RIC1: variants seen among roughly 807,000 people sequenced by gnomAD.
The protein encoded by RIC1 is guanine nucleotide exchange factor subunit RIC1.
A neutral mutation model predicts 169.0 loss-of-function variants in RIC1; 88 were observed. That is an observed-to-expected ratio of 0.52 (90% CI 0.44 to 0.62). The LOEUF is 0.62. Ranked by LOEUF, RIC1 falls within the 20% of genes least tolerant of loss-of-function variation. The pLI is 0.00. For missense variants in RIC1, 1,877 were observed against 1,725.5 expected, an observed-to-expected ratio of 1.09 and a Z score of -1.56; for synonymous variants, 790 against 601.5, an observed-to-expected ratio of 1.31 and a Z score of -4.59.
chr9:5,731,223 G>C (rs1824353493), intron 6 of RIC1, among the ~76,000 whole-genome samples: 2 of 152,020 alleles, frequency 1.3e-5, no homozygotes, highest in African/African-American at 2.4e-5. Context: ...TCAGCACCTA[G>C]AGCAGTGCCT....
At chr9:5,707,663 TTTTGTTTG>T (rs542567575) in intron 3 of RIC1, among the ~76,000 whole-genome samples, 2 of 152,062 alleles carry the variant, frequency 1.3e-5, no homozygotes, top group Non-Finnish European at 2.9e-5. Flanking sequence ...TCTTTTGTTT[TTTTGTTTG>T]TTTGTTTGTT....
At chr9:5,748,561 C>G (rs1328302598) in intron 12 of RIC1, 1 of 152,596 alleles carries the variant, frequency 6.6e-6, no homozygotes, top group African/African-American at 2.4e-5. Context: ...CTAAAATTTT[C>G]CACTGCTCCC....
chr9:5,685,986 G>A (rs201666328), intron 2 of RIC1, among the ~76,000 whole-genome samples: 1 of 151,952 alleles, frequency 6.6e-6, no homozygotes, highest in Non-Finnish European at 1.5e-5. Flanking sequence ...AGACACTTCT[G>A]AAAAGAAGAC....
rs1243914784 is a variant in RIC1, at chr9:5,774,476, A to G, written c.*230A>G. On this transcript the variant is annotated 3_prime_UTR_variant, in exon 26 of 26. Coordinates refer to ENST00000414202, the MANE Select transcript of RIC1 (RefSeq NM_020829.4). ...TTTTAAGCTGCAGTGAAAAGTAAATATTGTACAGATGTACATGAGAATATT... is the reference window on the plus strand; with the variant it reads ...TTTTAAGCTGCAGTGAAAAGTAAATGTTGTACAGATGTACATGAGAATATT... The G allele has an allele frequency of 2.5e-6, 1 of 404,890 alleles. No individual in the cohort carries two copies. The highest frequency in any genetic ancestry group is 7.0e-5 in the South Asian group (1 of 14,220). 25.1% of individuals were successfully genotyped at this position (404,890 alleles called of 1,614,324 possible).
chr9:5,762,486 C>G, intron 17 of RIC1, 55 bp from the exon 18 acceptor site: 1 of 1,598,202 alleles, frequency 6.3e-7, no homozygotes, highest in Non-Finnish European at 8.5e-7. Flanking sequence ...GGGGGAGATG[C>G]GGAAAGCATA....
chr9:5,760,487 C>T (rs936380704), intron 17 of RIC1, among the ~76,000 whole-genome samples: 1 of 152,170 alleles, frequency 6.6e-6, no homozygotes, highest in African/African-American at 2.4e-5. Flanking sequence ...TCATTATAAA[C>T]ATTACTCATA....
chr9:5,715,570 T>C (rs1230252151), intron 4 of RIC1, among the ~76,000 whole-genome samples: 2 of 152,168 alleles, frequency 1.3e-5, no homozygotes, highest in African/African-American at 2.4e-5. Flanking sequence ...GAAACTTAGA[T>C]TTTTATAACC....
intron 6 of RIC1, among the ~76,000 whole-genome samples, chr9:5,727,182 C>T (rs55727507): frequency 0.19 from 28,709 of 152,210 alleles, 3,358 homozygotes; most frequent in East Asian, 0.42. Flanking sequence ...CCGTCACTTT[C>T]AGGTACAGCA....
At chr9:5,709,237 C>G (rs1401854081) in intron 3 of RIC1, among the ~76,000 whole-genome samples, 1 of 152,188 alleles carries the variant, frequency 6.6e-6, no homozygotes, top group Non-Finnish European at 1.5e-5. Context: ...GTTCTGCCGT[C>G]TGTCCAGATA....
chr9:5,656,334 A>G (rs2130449020), intron 1 of RIC1, among the ~76,000 whole-genome samples: 1 of 152,242 alleles, frequency 6.6e-6, no homozygotes, highest in Non-Finnish European at 1.5e-5. Flanking sequence ...GAACACATTT[A>G]GTCCTGGTTC....
At chr9:5,673,545 T>G (rs1342611258) in intron 2 of RIC1, among the ~76,000 whole-genome samples, 1 of 144,034 alleles carries the variant, frequency 6.9e-6, no homozygotes, top group Non-Finnish European at 1.5e-5. Context: ...GATATATATA[T>G]ATATATATAT....
In RIC1 at chr9:5,664,257, A is replaced by G. The variant is rs112161585; in HGVS notation, c.252+7567A>G. Among the ~76,000 whole-genome samples the G allele has an allele frequency of 6.0e-3, 909 of 152,176 alleles. 11 individuals are homozygous for G. The highest frequency in any genetic ancestry group is 0.02 in the African/African-American group (840 of 41,526). ...AAACCCCATCTCTACTAAAAATACAAAAATAATTAGCTGAGTGTCGTGGCG... is the reference window on the plus strand; with the variant it reads ...AAACCCCATCTCTACTAAAAATACAGAAATAATTAGCTGAGTGTCGTGGCG... On this transcript the variant is annotated intron_variant, in intron 2 of 25. Transcript: ENST00000414202.
At chr9:5,694,023 C>G (rs917739231) in intron 3 of RIC1, among the ~76,000 whole-genome samples, 7 of 152,220 alleles carry the variant, frequency 4.6e-5, no homozygotes, top group African/African-American at 1.7e-4. Context: ...ATCAAATCTC[C>G]TTCTCCTCTT....
chr9:5,699,629 C>G (rs1379548670), intron 3 of RIC1, among the ~76,000 whole-genome samples: 1 of 151,832 alleles, frequency 6.6e-6, no homozygotes, highest in Non-Finnish European at 1.5e-5. Flanking sequence ...TAGATTTGTT[C>G]TGTTTCATAA....
At chr9:5,743,634 G>A (rs1341853385) in intron 9 of RIC1, 55 bp from the exon 10 acceptor site, 3 of 1,315,764 alleles carry the variant, frequency 2.3e-6, no homozygotes, top group African/African-American at 3.0e-5. Flanking sequence ...TAAATTTTAT[G>A]TGTATTATAT....
chr9:5,681,056 G>A (rs1241349944), intron 2 of RIC1, among the ~76,000 whole-genome samples: 2 of 151,400 alleles, frequency 1.3e-5, no homozygotes, highest in African/African-American at 2.4e-5. Context: ...TCGATCTCCT[G>A]ACCTCGTGAT....
chr9:5,689,767 T>C (rs34046693), intron 2 of RIC1, among the ~76,000 whole-genome samples, 192 bp from the exon 3 acceptor site: 4,393 of 152,326 alleles, frequency 0.029, 65 homozygotes, highest in Non-Finnish European at 0.036. Flanking sequence ...TTTTGAAATC[T>C]GTAAAAACCC....
intron 7 of RIC1, among the ~76,000 whole-genome samples, chr9:5,733,071 T>A (rs920563119): frequency 6.6e-6 from 1 of 152,086 alleles, no homozygotes; most frequent in Non-Finnish European, 1.5e-5. Flanking sequence ...GCTCATAAAT[T>A]TTAGCTAAAA....
intron 3 of RIC1, among the ~76,000 whole-genome samples, chr9:5,697,461 A>C (rs726053): frequency 6.6e-6 from 1 of 152,186 alleles, no homozygotes; most frequent in African/African-American, 2.4e-5. Context: ...TATTAGTAGA[A>C]TAATAAAATG....
Sources: gnomAD v4.1 joint callset for allele counts (sites outside exome capture counted in the v4.1 genomes callset) on GRCh38, gnomAD v4.1.1 for gene constraint, MANE v1.5 for transcripts, NCBI Gene and HGNC (gene_info 2026-07-23, HGNC 2026-07-21) for gene names.